G6PC3: variants seen among roughly 807,000 people sequenced by gnomAD.
G6PC3 encodes the protein glucose-6-phosphatase catalytic subunit 3, also known as glucose-6-phosphatase 3.
G6PC3 carries 30 observed loss-of-function variants against 38.6 expected under a neutral mutation model. The observed-to-expected ratio is 0.78, with a 90% CI of 0.58 to 1.05. The LOEUF (loss-of-function observed/expected upper bound fraction) is 1.05, where lower values mean the gene tolerates loss of function less well. Among genes scored for constraint, G6PC3 ranks in the 50% least tolerant of loss-of-function variants. The pLI is 0.00. For missense variants in G6PC3, 377 were observed against 443.1 expected, an observed-to-expected ratio of 0.85 and a Z score of 1.34; for synonymous variants, 192 against 178.1, an observed-to-expected ratio of 1.08 and a Z score of -0.62.
At position 44,076,108 on chromosome 17, in the gene G6PC3, A is replaced by T; in HGVS notation, c.*65A>T. On this transcript the variant is annotated 3_prime_UTR_variant, in exon 6 of 6. Transcript: ENST00000269097. ...CAACACTCTGTGACCACCACACTCC[A>T]GGAGGCAGCCCCATCCCCTTCCAGC... 1 of 1,599,144 alleles carries T rather than the reference A, an allele frequency of 6.3e-7. No homozygotes were observed. The highest frequency in any genetic ancestry group is 8.5e-7 in the Non-Finnish European group (1 of 1,176,016).
rs1311675408 is a variant in G6PC3, at chr17:44,071,022, A to G, written c.57A>G (p.Leu19=). The change falls in exon 1 of 6, where the codon CTA becomes CTG. Residue 19 remains leucine, a synonymous_variant. Transcript: ENST00000269097. ...IVIAEALQNQ[L]AWLENVWLWI... is the part of the protein sequence containing the mutation. ...TAGCCGAGGCGCTACAGAACCAGCT[A>G]GCCTGGCTGGAGAACGTGTGGCTCT... is the stretch of plus-strand genomic sequence containing the variant. 5 of 1,582,122 alleles carry G rather than the reference A, an allele frequency of 3.2e-6. No homozygotes were observed. Among genetic ancestry groups the G allele is most frequent in the Non-Finnish European group, 4.3e-6 (5 of 1,162,998 alleles).
chr17:44,075,529 C>A (rs1266180567), intron 5 of G6PC3, 78 bp downstream of exon 5: 1 of 1,603,814 alleles, frequency 6.2e-7, no homozygotes, highest in African/African-American at 1.3e-5. Flanking sequence ...GTCTCTGGTT[C>A]ATTATAGCTA....
Position 44,075,805 on chromosome 17 carries a change from CCTG to C in G6PC3, c.806_808del (p.Cys269del), listed in dbSNP as rs1199375457. On this transcript the variant is annotated inframe_deletion, in exon 6 of 6. Transcript: ENST00000269097. ...GGCCTGGGCATTGCCTTGCACTCTCCCTGCTATGCCCAGGTGCGTCGGGCACAG... is the reference window on the plus strand; with the variant it reads ...GGCCTGGGCATTGCCTTGCACTCTCCCTATGCCCAGGTGCGTCGGGCACAG... The C allele has an allele frequency of 5.0e-6, 8 of 1,611,604 alleles. No individual in the cohort carries two copies. Among genetic ancestry groups the C allele is most frequent in the African/African-American group, 2.7e-5 (2 of 74,926 alleles).
In G6PC3 at chr17:44,076,205, T is replaced by C; in HGVS notation, c.*162T>C. On this transcript the variant is annotated 3_prime_UTR_variant, in exon 6 of 6. Transcript: ENST00000269097. ...GTCTTAGCCCCAAAGATGGGCCTTC[T>C]CTCTCCCAGATAAGTTGGTCCTCCC... 1 of 980,150 alleles carries C rather than the reference T, an allele frequency of 1.0e-6. No individual in the cohort carries two copies. Among genetic ancestry groups the C allele is most frequent in the Non-Finnish European group, 1.6e-6 (1 of 618,218 alleles). 60.7% of individuals were successfully genotyped at this position (980,150 alleles called of 1,614,324 possible). A position where few individuals can be genotyped will look rare whatever the true frequency, so the allele number is the denominator to read the frequency against.
chr17:44,071,644 G>A (rs1421079611), intron 1 of G6PC3: 10 of 1,282,546 alleles, frequency 7.8e-6, no homozygotes, highest in Admixed American at 2.3e-5. Flanking sequence ...GCTTTGTGCT[G>A]GGCATCACGG....
chr17:44,072,672 G>C (rs2050003997), intron 1 of G6PC3: 1 of 136,594 alleles, frequency 7.3e-6, no homozygotes, highest in South Asian at 2.4e-4. Context: ...GTCTTGCTCT[G>C]TTGCCCAGGC....
intron 1 of G6PC3, chr17:44,071,749 C>T (rs1046556360): frequency 1.4e-6 from 1 of 695,506 alleles, no homozygotes; most frequent in South Asian, 1.4e-5. Context: ...GCTAAAAACG[C>T]AGACTCTCAG....
intron 1 of G6PC3, chr17:44,072,349 A>C (rs1231582695): frequency 1.8e-5 from 1 of 54,510 alleles, no homozygotes; most frequent in African/African-American, 6.6e-5. Flanking sequence ...TTTTTTTTTG[A>C]GACGGAGTCT....
chr17:44,072,390 T>C (rs228759), intron 1 of G6PC3: 115,912 of 147,102 alleles, frequency 0.79, 46,429 homozygotes, highest in East Asian at 0.99. Flanking sequence ...AGTGCAGTGG[T>C]GCAATCTTGG....
chr17:44,070,744 G>A lies in G6PC3; in HGVS notation c.-222G>A. The A allele has an allele frequency of 1.6e-6, 1 of 626,536 alleles. No individual in the cohort carries two copies. Among genetic ancestry groups the A allele is most frequent in the Non-Finnish European group, 2.9e-6 (1 of 348,604 alleles). 38.8% of individuals were successfully genotyped at this position (626,536 alleles called of 1,614,324 possible). A position where few individuals can be genotyped will look rare whatever the true frequency, so the allele number is the denominator to read the frequency against. On this transcript the variant is annotated 5_prime_UTR_variant, in exon 1 of 6. Coordinates refer to ENST00000269097, the MANE Select transcript of G6PC3 (RefSeq NM_138387.4). ...GTCCCCTGCGCTGCCCAGTAGGGAG[G>A]AAAACCGGAGGAGAGCGCAGGAGGA...
Position 44,075,151 on chromosome 17 carries a change from G to C in G6PC3, c.535+64G>C. Reference sequence around the variant, plus strand: ...CTTTGGCAGTGGGAGGATCAGTCTAGGATCTTCCCATCGCTCCCAGCTTCT... The same window carrying C: ...CTTTGGCAGTGGGAGGATCAGTCTACGATCTTCCCATCGCTCCCAGCTTCT... On this transcript the variant is annotated intron_variant, in intron 4 of 5. Transcript: ENST00000269097. 3.3e-6 allele frequency: 5 copies of C among 1,494,470 alleles called. No individual in the cohort carries two copies. In the South Asian group the frequency reaches 4.5e-5, roughly 14 times the overall value. 92.6% of individuals were successfully genotyped at this position (1,494,470 alleles called of 1,614,324 possible).
chr17:44,074,149 T>C lies in G6PC3; in HGVS notation c.219-11T>C. On this transcript the variant is annotated splice_polypyrimidine_tract_variant and intron_variant, in intron 1 of 5. Transcript: ENST00000269097. ...CATGTGGAAAGTCATCTTGCATCTGTTCTCTTCCAGGTTTCTTTTTGGAGA... is the reference window on the plus strand; with the variant it reads ...CATGTGGAAAGTCATCTTGCATCTGCTCTCTTCCAGGTTTCTTTTTGGAGA... 1 of 1,594,918 alleles carries C rather than the reference T, an allele frequency of 6.3e-7. No homozygotes were observed. The highest frequency in any genetic ancestry group is 1.3e-5 in the African/African-American group (1 of 74,680).
chr17:44,074,965 C>A lies in G6PC3; in HGVS notation c.417-4C>A, dbSNP rs753232715. 6.2e-7 allele frequency: 1 copy of A among 1,612,898 alleles called. No homozygotes were observed. The highest frequency in any genetic ancestry group is 8.5e-7 in the Non-Finnish European group (1 of 1,178,812). On this transcript the variant is annotated splice_polypyrimidine_tract_variant and splice_region_variant and intron_variant, in intron 3 of 5. Transcript: ENST00000269097. Reference sequence around the variant, plus strand: ...TCTGAGCTCCTTGCCTCTCTTCTTTCTAGCCGCTGGGTAAGGGTGATGCCT... The same window carrying A: ...TCTGAGCTCCTTGCCTCTCTTCTTTATAGCCGCTGGGTAAGGGTGATGCCT...
intron 4 of G6PC3, 63 bp downstream of exon 4, chr17:44,075,150 AG>A: frequency 1.3e-6 from 2 of 1,494,694 alleles, no homozygotes; most frequent in Non-Finnish European, 1.9e-6. Flanking sequence ...GGATCAGTCT[AG>A]GATCTTCCCA....
intron 1 of G6PC3, chr17:44,071,525 G>A (rs752189191): frequency 4.6e-5 from 30 of 648,990 alleles, no homozygotes; most frequent in Non-Finnish European, 6.1e-5. Context: ...TTGGTTTATG[G>A]GAATTCATAT....
chr17:44,075,226 C>T (rs2050066023), intron 4 of G6PC3, 84 bp from the exon 5 acceptor site: 1 of 1,581,102 alleles, frequency 6.3e-7, no homozygotes, highest in African/African-American at 1.3e-5. Context: ...TATTCTCTTG[C>T]CAAGCTGCAC....
intron 4 of G6PC3, 27 bp from the exon 5 acceptor site, chr17:44,075,283 G>C (rs1301236125): frequency 1.2e-6 from 2 of 1,613,714 alleles, no homozygotes; most frequent in African/African-American, 1.3e-5. Context: ...CAGACTCCTT[G>C]AAGCTGTTGT....
chr17:44,075,605 C>G (rs1424962873), intron 5 of G6PC3, 75 bp from the exon 6 acceptor site: 17 of 1,604,262 alleles, frequency 1.1e-5, no homozygotes, highest in Non-Finnish European at 1.4e-5. Context: ...GGAGTGGGCC[C>G]CAAGGGCAGA....
At position 44,074,956 on chromosome 17, in the gene G6PC3, C is replaced by T. The variant is rs1275188109; in HGVS notation, c.417-13C>T. ...TGGACACGCTCTGAGCTCCTTGCCT[C>T]TCTTCTTTCTAGCCGCTGGGTAAGG... On this transcript the variant is annotated splice_polypyrimidine_tract_variant and intron_variant, in intron 3 of 5. Coordinates refer to ENST00000269097, the MANE Select transcript of G6PC3 (RefSeq NM_138387.4). The T allele has an allele frequency of 6.2e-7, 1 of 1,609,512 alleles. No individual in the cohort carries two copies. Among genetic ancestry groups the T allele is most frequent in the African/African-American group, 1.3e-5 (1 of 74,956 alleles).
Sources: allele counts gnomAD v4.1 joint callset, GRCh38; gene constraint gnomAD v4.1.1; transcripts MANE v1.5; gene names NCBI Gene and HGNC (gene_info 2026-07-23, HGNC 2026-07-21).